Variants in SHISA6 observed in about 807,000 individuals in gnomAD.
The protein encoded by SHISA6 is protein shisa-6.
Under a neutral mutation model 47.9 loss-of-function variants are expected in SHISA6, and 22 were observed. That is an observed-to-expected ratio of 0.46 (90% CI 0.33 to 0.66). SHISA6 has a LOEUF of 0.66. SHISA6 is among the 30% of genes least tolerant of loss of function. The pLI is 0.02. For synonymous variants in SHISA6, 388 were observed against 337.8 expected (o/e 1.15, Z -1.63); for missense variants, 680 against 764.6 (o/e 0.89, Z 1.30).
intron 3 of SHISA6, chr17:11,380,266 T>C (rs1912966668): frequency 6.6e-6 from 1 of 152,232 alleles, no homozygotes; most frequent in Non-Finnish European, 1.5e-5. Flanking sequence ...AGGGGTAGTG[T>C]ATCCCTGTCT....
At chr17:11,398,603 GT>G (rs371339551) in intron 3 of SHISA6, among the ~76,000 whole-genome samples, 6 of 134,800 alleles carry the variant, frequency 4.5e-5, no homozygotes, top group Admixed American at 7.0e-5. Flanking sequence ...TTTTTTTGTT[GT>G]TTTTTTTTTG....
intron 2 of SHISA6, among the ~76,000 whole-genome samples, chr17:11,273,354 AGT>A (rs1407701225): frequency 1.3e-5 from 2 of 152,160 alleles, no homozygotes; most frequent in African/African-American, 4.8e-5. Flanking sequence ...CATTTGTCCC[AGT>A]GCATGGATCT....
At chr17:11,321,285 C>G (rs1314894155) in intron 2 of SHISA6, among the ~76,000 whole-genome samples, 2 of 152,150 alleles carry the variant, frequency 1.3e-5, no homozygotes, top group Non-Finnish European at 2.9e-5. Context: ...CTGTTCATAC[C>G]TCTACCTCAG....
At chr17:11,516,701 A>G (rs899427660) in intron 3 of SHISA6, among the ~76,000 whole-genome samples, 2 of 152,184 alleles carry the variant, frequency 1.3e-5, no homozygotes, top group East Asian at 1.9e-4. Flanking sequence ...ACAGCACACT[A>G]CCAGTAAATC....
At chr17:11,459,923 T>C (rs1915653446) in intron 3 of SHISA6, among the ~76,000 whole-genome samples, 1 of 152,196 alleles carries the variant, frequency 6.6e-6, no homozygotes, top group Non-Finnish European at 1.5e-5. Context: ...ATAGGAGCGA[T>C]TGCTCATCAA....
intron 3 of SHISA6, among the ~76,000 whole-genome samples, chr17:11,432,794 TA>T (rs35946202): frequency 0.16 from 23,845 of 147,572 alleles, 1,957 homozygotes; most frequent in African/African-American, 0.19. Flanking sequence ...AGTGTTGTAT[TA>T]AAAAAAAAAA....
At chr17:11,314,592 A>G (rs980271586) in intron 2 of SHISA6, among the ~76,000 whole-genome samples, 8 of 150,750 alleles carry the variant, frequency 5.3e-5, no homozygotes, top group African/African-American at 1.2e-4. Flanking sequence ...CTCGAGTACA[A>G]TGGCACAGTC....
At chr17:11,500,073 G>T (rs1298675877) in intron 3 of SHISA6, among the ~76,000 whole-genome samples, 1 of 152,146 alleles carries the variant, frequency 6.6e-6, no homozygotes, top group Non-Finnish European at 1.5e-5. Flanking sequence ...GTTGGGCAGG[G>T]ACCCAGGCAG....
At chr17:11,267,834 G>C (rs1286746640) in intron 2 of SHISA6, among the ~76,000 whole-genome samples, 1 of 152,136 alleles carries the variant, frequency 6.6e-6, no homozygotes, top group Non-Finnish European at 1.5e-5. Flanking sequence ...ATGGAGCTTT[G>C]AAAGGAGACC....
intron 2 of SHISA6, among the ~76,000 whole-genome samples, chr17:11,291,972 A>G (rs1435813715): frequency 6.6e-6 from 1 of 152,168 alleles, no homozygotes; most frequent in African/African-American, 2.4e-5. Flanking sequence ...GGAATGGCTA[A>G]CCCAAGCCAA....
At chr17:11,482,777 GAAGAAGT>G (rs1402040887) in intron 3 of SHISA6, among the ~76,000 whole-genome samples, 1 of 152,136 alleles carries the variant, frequency 6.6e-6, no homozygotes, top group Non-Finnish European at 1.5e-5. Context: ...GAAGAGAGGA[GAAGAAGT>G]AAGATGCAAT....
At chr17:11,479,209 G>T (rs926994537) in intron 3 of SHISA6, among the ~76,000 whole-genome samples, 1 of 151,972 alleles carries the variant, frequency 6.6e-6, no homozygotes, top group Non-Finnish European at 1.5e-5. Context: ...TTGCACTCCA[G>T]CCTGGGTGAC....
chr17:11,409,887 A>G (rs1465794398), intron 3 of SHISA6, among the ~76,000 whole-genome samples: 3 of 152,112 alleles, frequency 2.0e-5, no homozygotes, highest in Admixed American at 2.0e-4. Context: ...CATTGGTATG[A>G]CCTAACATGT....
chr17:11,511,905 A>G (rs2071544367), intron 3 of SHISA6, among the ~76,000 whole-genome samples: 1 of 152,236 alleles, frequency 6.6e-6, no homozygotes, highest in Admixed American at 6.5e-5. Context: ...ACAAGCCAGA[A>G]GCATGCAGGA....
At chr17:11,340,132 A>G (rs891785380) in intron 2 of SHISA6, among the ~76,000 whole-genome samples, 1 of 152,226 alleles carries the variant, frequency 6.6e-6, no homozygotes, top group East Asian at 1.9e-4. Flanking sequence ...GTGATCCTAT[A>G]AATATAACCA....
chr17:11,332,835 G>A (rs1029863411), intron 2 of SHISA6, among the ~76,000 whole-genome samples: 17 of 152,220 alleles, frequency 1.1e-4, no homozygotes, highest in Non-Finnish European at 2.1e-4. Context: ...AGAGCAACCC[G>A]TCATGTGATA....
At chr17:11,379,109 T>C (rs948907526) in intron 2 of SHISA6, among the ~76,000 whole-genome samples, 6 of 149,014 alleles carry the variant, frequency 4.0e-5, no homozygotes, top group African/African-American at 9.8e-5. Context: ...TATATGTGTG[T>C]ATATATACTA....
intron 2 of SHISA6, among the ~76,000 whole-genome samples, chr17:11,307,828 C>T (rs562332647): frequency 9.9e-5 from 15 of 151,900 alleles, no homozygotes; most frequent in African/African-American, 2.2e-4. Context: ...TATTGAATAA[C>T]GAAAATTGTT....
intron 3 of SHISA6, among the ~76,000 whole-genome samples, chr17:11,450,709 A>C (rs1156743203): frequency 1.3e-5 from 2 of 151,854 alleles, no homozygotes; most frequent in Non-Finnish European, 2.9e-5. Context: ...GAAAAGAAAA[A>C]AAAATCAGAG....
Sources: gnomAD v4.1 joint callset for allele counts (sites outside exome capture counted in the v4.1 genomes callset) on GRCh38, gnomAD v4.1.1 for gene constraint, MANE v1.5 for transcripts, NCBI Gene and HGNC (gene_info 2026-07-23, HGNC 2026-07-21) for gene names.